Variants in FBXO15 observed in about 807,000 individuals in gnomAD.
FBXO15 encodes F-box protein 15.
FBXO15 carries 30 observed loss-of-function variants against 49.5 expected under a neutral mutation model. That is an observed-to-expected ratio of 0.61 (90% CI 0.45 to 0.82). The LOEUF is 0.82. FBXO15 is among the 40% of genes least tolerant of loss of function. The probability of loss-of-function intolerance (pLI) is 0.00; values close to 1 mark genes in which losing one functional copy is unlikely to be tolerated. For missense variants in FBXO15, 591 were observed against 631.5 expected, an observed-to-expected ratio of 0.94 and a Z score of 0.69; for synonymous variants, 250 against 232.7, an observed-to-expected ratio of 1.07 and a Z score of -0.68.
intron 8 of FBXO15, among the ~76,000 whole-genome samples, chr18:74,110,155 A>C (rs1913950275): frequency 7.6e-6 from 1 of 131,604 alleles, no homozygotes; most frequent in East Asian, 2.1e-4. Flanking sequence ...ATATATATAC[A>C]TATGTGTGCA....
chr18:74,131,541 G>C (rs1978391828), intron 3 of FBXO15, among the ~76,000 whole-genome samples: 1 of 152,166 alleles, frequency 6.6e-6, no homozygotes, highest in African/African-American at 2.4e-5. Flanking sequence ...ATTCAGCTCT[G>C]ACTCAAAGTC....
rs1283571862 is a variant in FBXO15 at position 74,073,553 on chromosome 18, A to G, written c.1441T>C (p.Trp481Arg). ...AGGTATTCTTCGGTCTCTCTGATCC[A>G]CACCAGCTCCACGTGCACTCTTCCT... ...AEGRVHVELV[W>R]IRETEEYLIV... Residue 481 changes from tryptophan (W) to arginine (R), a missense_variant, in exon 10 of 10, where the codon TGG becomes CGG. Coordinates refer to ENST00000419743, the MANE Select transcript of FBXO15 (RefSeq NM_001142958.2). 1 of 1,614,240 alleles carries G rather than the reference A, an allele frequency of 6.2e-7. No individual in the cohort carries two copies. Among genetic ancestry groups the G allele is most frequent in the East Asian group, 2.2e-5 (1 of 44,890 alleles).
At chr18:74,125,263 G>A (rs1466166546) in intron 6 of FBXO15, among the ~76,000 whole-genome samples, 2 of 152,146 alleles carry the variant, frequency 1.3e-5, no homozygotes, top group Admixed American at 6.5e-5. Flanking sequence ...GGCAAGCTGC[G>A]GTCTCGCCCA....
At chr18:74,085,293 T>C (rs908941996) in intron 8 of FBXO15, among the ~76,000 whole-genome samples, 22 of 152,106 alleles carry the variant, frequency 1.4e-4, no homozygotes, top group African/African-American at 4.8e-4. Flanking sequence ...TGTGGGATTA[T>C]TTATAAAGAC....
In FBXO15 at chr18:74,126,120, G is replaced by A. The variant is rs776872042; in HGVS notation, c.786-19C>T. 4.3e-6 allele frequency: 7 copies of A among 1,612,396 alleles called. No homozygotes were observed. Among genetic ancestry groups the A allele is most frequent in the South Asian group, 1.1e-5 (1 of 90,810 alleles). ...TCGGAGTCTTTGAACGTTATGCCAA[G>A]GAAAGGAGAGAGAGAAGTGAGCTTT... On this transcript the variant is annotated intron_variant, in intron 5 of 9. Transcript: ENST00000419743.
intron 8 of FBXO15, among the ~76,000 whole-genome samples, chr18:74,093,265 G>GGGC (rs1913131738): frequency 7.7e-6 from 1 of 130,090 alleles, no homozygotes; most frequent in African/African-American, 3.3e-5. Flanking sequence ...CAAAACAATG[G>GGGC]GGGGGGGGTG....
At chr18:74,086,825 C>G (rs1000686870) in intron 8 of FBXO15, among the ~76,000 whole-genome samples, 5 of 152,102 alleles carry the variant, frequency 3.3e-5, no homozygotes, top group African/African-American at 1.2e-4. Context: ...TTCACAAAGG[C>G]AACACAAAAA....
At chr18:74,134,489 C>T (rs1978592533) in intron 3 of FBXO15, among the ~76,000 whole-genome samples, 1 of 151,774 alleles carries the variant, frequency 6.6e-6, no homozygotes, top group African/African-American at 2.4e-5. Context: ...CGGCCTCAGC[C>T]TCCCAAGTAG....
At chr18:74,096,055 T>C (rs1286467274) in intron 8 of FBXO15, among the ~76,000 whole-genome samples, 1 of 152,100 alleles carries the variant, frequency 6.6e-6, no homozygotes, top group African/African-American at 2.4e-5. Flanking sequence ...TTCCTGCAAC[T>C]CATGGTCTCC....
rs1225361610 is a variant in FBXO15 at position 74,075,974 on chromosome 18, T to C, written c.1264-2244A>G. Among the ~76,000 whole-genome samples the C allele has an allele frequency of 1.3e-5, 2 of 152,196 alleles. No homozygotes were observed. The highest frequency in any genetic ancestry group is 3.9e-4 in the East Asian group (2 of 5,184). On this transcript the variant is annotated intron_variant, in intron 9 of 9. Coordinates refer to ENST00000419743, the MANE Select transcript of FBXO15 (RefSeq NM_001142958.2). The surrounding 1 kb of genome is among the most constrained non-coding windows in gnomAD (Gnocchi z 4.1). ...TTCAAGACCTAAATATTCAAGTGCG[T>C]ACTCAACTTCTGGATCTTTCAACGG...
At chr18:74,105,082 C>T (rs79363536) in intron 8 of FBXO15, among the ~76,000 whole-genome samples, 6,716 of 152,136 alleles carry the variant, frequency 0.044, 204 homozygotes, top group East Asian at 0.12. Flanking sequence ...AAATATTGCA[C>T]GTTCTCACTT....
intron 8 of FBXO15, among the ~76,000 whole-genome samples, chr18:74,122,281 T>C (rs1460338110): frequency 6.6e-6 from 1 of 152,234 alleles, no homozygotes; most frequent in Non-Finnish European, 1.5e-5. Context: ...TAAAAAGCTT[T>C]TCCTTTCTCA....
chr18:74,127,750 A>G (rs1260363703), intron 5 of FBXO15, among the ~76,000 whole-genome samples: 1 of 152,234 alleles, frequency 6.6e-6, no homozygotes, highest in African/African-American at 2.4e-5. Context: ...TTCCCAATGA[A>G]TTCTAGCATT....
chr18:74,124,219 T>C (rs1273191224), intron 7 of FBXO15, among the ~76,000 whole-genome samples: 1 of 152,202 alleles, frequency 6.6e-6, no homozygotes, highest in Non-Finnish European at 1.5e-5. Context: ...TGAAGGACAG[T>C]AGTGGCATCT....
intron 5 of FBXO15, among the ~76,000 whole-genome samples, 199 bp downstream of exon 5, chr18:74,129,206 T>C (rs773017476): frequency 6.6e-6 from 1 of 152,210 alleles, no homozygotes; most frequent in Admixed American, 6.5e-5. Context: ...AACCCCAAGA[T>C]ACGAGGAAGT....
intron 5 of FBXO15, among the ~76,000 whole-genome samples, chr18:74,128,031 G>C (rs1978296038): frequency 6.6e-6 from 1 of 152,102 alleles, no homozygotes; most frequent in Non-Finnish European, 1.5e-5. Flanking sequence ...ATTAGAAAAA[G>C]CTGGCTTCCT....
intron 8 of FBXO15, among the ~76,000 whole-genome samples, chr18:74,082,641 C>T (rs959127489): frequency 1.4e-4 from 21 of 152,282 alleles, no homozygotes; most frequent in Middle Eastern, 3.4e-3. Flanking sequence ...GAGGAGCCCT[C>T]GCACCCACAC....
Position 74,147,671 on chromosome 18 carries a change from T to A in FBXO15, c.115A>T (p.Arg39Ter), listed in dbSNP as rs1979531696. The change falls in exon 1 of 10, where the codon AGA becomes TGA. Residue 39 changes from arginine (R) to a stop codon, truncating the protein, a stop_gained and splice_region_variant. Coordinates refer to ENST00000419743, the MANE Select transcript of FBXO15 (RefSeq NM_001142958.2). LOFTEE classifies it high-confidence loss of function. ...CCCACCCGCAGGCCCTACAGTCACC[T>A]GCACCCAAAGGCCCTGGCGCGCCCC... The part of the protein sequence containing the change: ...ARGRARAFGC[R>*]KGPGVKLSAG... 1 of 1,473,358 alleles carries A rather than the reference T, an allele frequency of 6.8e-7. No individual in the cohort carries two copies. The highest frequency in any genetic ancestry group is 1.5e-5 in the African/African-American group (1 of 68,502). The allele number at this position is 1,473,358 out of a possible 1,614,324, so 91.3% of individuals were successfully genotyped here. A position where few individuals can be genotyped will look rare whatever the true frequency, so the allele number is the denominator to read the frequency against.
chr18:74,136,923 CT>C lies in FBXO15; in HGVS notation c.228-1058del, dbSNP rs1425845814. Among the ~76,000 whole-genome samples, 13 of 152,108 alleles carry C rather than the reference CT, an allele frequency of 8.5e-5. 1 individual carries two copies. The highest frequency in any genetic ancestry group is 4.1e-4 in the South Asian group (2 of 4,828). Reference sequence around the variant, plus strand: ...ATTTAAAAGGGCTTGCCCATACTGTCTACTTGTGATTGTTATGATTTTAAAT... The same window carrying C: ...ATTTAAAAGGGCTTGCCCATACTGTCACTTGTGATTGTTATGATTTTAAAT... On this transcript the variant is annotated intron_variant, in intron 2 of 9. Transcript: ENST00000419743.
Sources: allele counts gnomAD v4.1 joint callset (sites outside exome capture counted in the v4.1 genomes callset), GRCh38; gene constraint gnomAD v4.1.1; non-coding constraint Gnocchi (gnomAD v3.1); transcripts MANE v1.5; gene names NCBI Gene and HGNC (gene_info 2026-07-23, HGNC 2026-07-21).